The following MASP1 variants were observed in gnomAD, a reference collection of about 807,000 sequenced individuals.
MASP1 encodes the protein MBL associated serine protease 1.
Under a neutral mutation model 77.1 loss-of-function variants are expected in MASP1, and 59 were observed. The ratio of observed to expected loss-of-function variants is 0.77; its 90% CI spans 0.62 to 0.95. MASP1 has a LOEUF of 0.95. MASP1 is among the 40% of genes least tolerant of loss of function. The pLI, the probability that MASP1 is intolerant of heterozygous loss-of-function variation, is 0.00. For synonymous variants in MASP1, 362 were observed against 354.5 expected (o/e 1.02, Z -0.24); for missense variants, 885 against 912.9 (o/e 0.97, Z 0.39).
intron 2 of MASP1, among the ~76,000 whole-genome samples, chr3:187,274,908 G>T (rs1272892901): frequency 6.6e-6 from 1 of 151,148 alleles, no homozygotes; most frequent in Non-Finnish European, 1.5e-5. Flanking sequence ...CTGGGAAGCG[G>T]GCATCCCGCA....
At chr3:187,282,439 C>A (rs943254394) in intron 2 of MASP1, among the ~76,000 whole-genome samples, 51 of 135,592 alleles carry the variant, frequency 3.8e-4, no homozygotes, top group African/African-American at 1.4e-3. Flanking sequence ...GGAGTTTGCA[C>A]TGAGCCGAGA....
intron 12 of MASP1, among the ~76,000 whole-genome samples, chr3:187,225,946 C>T (rs1371289766): frequency 6.6e-6 from 1 of 152,208 alleles, no homozygotes; most frequent in Admixed American, 6.5e-5. Flanking sequence ...ACATCTTATT[C>T]CTTTATTAGA....
chr3:187,259,519 T>C (rs1416981869), intron 4 of MASP1, among the ~76,000 whole-genome samples: 1 of 152,094 alleles, frequency 6.6e-6, no homozygotes, highest in African/African-American at 2.4e-5. Flanking sequence ...TTAGGAAAAT[T>C]ATATTTAAAA....
intron 6 of MASP1, among the ~76,000 whole-genome samples, chr3:187,252,001 T>C (rs1438241408): frequency 6.6e-6 from 1 of 152,204 alleles, no homozygotes; most frequent in Non-Finnish European, 1.5e-5. Context: ...AAACACAGGG[T>C]TGGGAGGAAT....
Position 187,235,796 on chromosome 3 carries a change from C to T in MASP1, c.2075G>A (p.Cys692Tyr), listed in dbSNP as rs771976196. ...GACTCCATAGACCTGCTTGCTGCCG[C>T]ATTCTTCAGGTCCCCCCCAGGACAC... ...GLVSWGGPEE[C>Y]GSKQVYGVYT... Residue 692 changes from cysteine to tyrosine, a missense_variant, in exon 11 of 11, where the codon TGC becomes TAC. Coordinates refer to ENST00000296280, the MANE Select transcript of MASP1 (RefSeq NM_139125.4). 6 of 1,614,010 alleles carry T rather than the reference C, an allele frequency of 3.7e-6. No homozygotes were observed. Among genetic ancestry groups the T allele is most frequent in the Non-Finnish European group, 8.5e-7 (1 of 1,180,016 alleles).
At chr3:187,287,501 T>G (rs1717960816) in intron 1 of MASP1, among the ~76,000 whole-genome samples, 1 of 152,190 alleles carries the variant, frequency 6.6e-6, no homozygotes, top group Non-Finnish European at 1.5e-5. Context: ...TGGAGTGAAA[T>G]GTACTTGGAT....
intron 9 of MASP1, chr3:187,242,742 G>C (rs1713760103): frequency 6.5e-6 from 1 of 154,328 alleles, no homozygotes; most frequent in South Asian, 2.0e-4. Context: ...CAAACCCCCA[G>C]TGTGGCCAAT....
intron 8 of MASP1, chr3:187,247,271 G>A (rs1317544981): frequency 6.8e-6 from 11 of 1,613,496 alleles, no homozygotes; most frequent in Admixed American, 1.7e-5. Context: ...TGCAGCTCTG[G>A]GCCCCAGGGG....
Position 187,235,897 on chromosome 3 carries a change from G to A in MASP1, c.1974C>T (p.Asp658=), listed in dbSNP as rs1377527201. The change falls in exon 11 of 11, where the codon GAC becomes GAT. Residue 658 remains aspartate, a synonymous_variant. Coordinates refer to ENST00000296280, the MANE Select transcript of MASP1 (RefSeq NM_139125.4). The stretch of plus-strand genomic sequence containing the variant: ...CCCCACCGCTATCTCCAAGGCACGT[G>A]TCTTTGCCGCCCTCGTAGTAGCCAG... ...FCAGYYEGGK[D]TCLGDSGGAF... 6.2e-7 allele frequency: 1 copy of A among 1,614,240 alleles called. No individual in the cohort carries two copies. Among genetic ancestry groups the A allele is most frequent in the South Asian group, 1.1e-5 (1 of 91,086 alleles).
exon 16 of MASP1, chr3:187,219,951 T>C: frequency 9.9e-7 from 1 of 1,007,694 alleles, no homozygotes; most frequent in Non-Finnish European, 1.5e-6. Context: ...TGCCCAGTAA[T>C]GGATAGGCCG....
Position 187,241,543 on chromosome 3 carries a change from C to G in MASP1, c.1241G>C (p.Cys414Ser). 1 of 1,612,966 alleles carries G rather than the reference C, an allele frequency of 6.2e-7. No homozygotes were observed. Among genetic ancestry groups the G allele is most frequent in the Non-Finnish European group, 8.5e-7 (1 of 1,179,066 alleles). The change falls in exon 10 of 11, where the codon TGT (cysteine) becomes TCT (serine). Residue 414 changes from cysteine to serine, a missense_variant. Transcript: ENST00000296280. ...ATTCATCCAGACTCCTTGGGCAGAA[C>G]AGGTATATATACCTGGATTAGTGAA... ...MLNNNTGIYTCSAQGVWMNKV... is the reference protein window; with the variant it reads ...MLNNNTGIYTSSAQGVWMNKV...
At chr3:187,239,024 C>T (rs987057357) in intron 10 of MASP1, among the ~76,000 whole-genome samples, 20 of 152,018 alleles carry the variant, frequency 1.3e-4, no homozygotes, top group African/African-American at 4.8e-4. Flanking sequence ...ATGCTTTGTA[C>T]AAACATAGAG....
chr3:187,275,876 C>A (rs1016812634), intron 2 of MASP1, among the ~76,000 whole-genome samples: 1 of 151,460 alleles, frequency 6.6e-6, no homozygotes, highest in Non-Finnish European at 1.5e-5. Context: ...CTCTGAGCAT[C>A]AGGTCAAATG....
chr3:187,260,976 T>C lies in MASP1; in HGVS notation c.416-104A>G, dbSNP rs72549253. ...ATGGGCCACTCACTATGTTAGGAGA[T>C]TCATGCGTTCTCTCATTTAATCCTC... On this transcript the variant is annotated intron_variant, in intron 3 of 10. Coordinates refer to ENST00000296280, the MANE Select transcript of MASP1 (RefSeq NM_139125.4). The C allele has an allele frequency of 2.3e-5, 29 of 1,282,938 alleles. No individual in the cohort carries two copies. In the Admixed American group the frequency reaches 3.2e-4, roughly 14 times the overall value. The allele number at this position is 1,282,938 out of a possible 1,614,324, so 79.5% of individuals were successfully genotyped here.
At position 187,261,434 on chromosome 3, in the gene MASP1, A is replaced by G. The variant is rs536382300; in HGVS notation, c.416-562T>C. On this transcript the variant is annotated intron_variant, in intron 3 of 10. Coordinates refer to ENST00000296280, the MANE Select transcript of MASP1 (RefSeq NM_139125.4). ...AGGCATTTGAATGTACATTTCCCCAAAAGGGATAAACCAATGGCCAACAAG... is the reference window on the plus strand; with the variant it reads ...AGGCATTTGAATGTACATTTCCCCAGAAGGGATAAACCAATGGCCAACAAG... Among the ~76,000 whole-genome samples the G allele has an allele frequency of 2.0e-5, 3 of 152,350 alleles. No homozygotes were observed. The East Asian group carries it at 5.8e-4, about 29-fold the overall frequency.
intron 2 of MASP1, among the ~76,000 whole-genome samples, chr3:187,268,095 AG>A (rs1716193545): frequency 6.6e-6 from 1 of 152,236 alleles, no homozygotes; most frequent in Non-Finnish European, 1.5e-5. Flanking sequence ...AACAGTGAAG[AG>A]ACTGCTATAG....
intron 8 of MASP1, chr3:187,247,452 GA>G: frequency 6.4e-7 from 1 of 1,565,804 alleles, no homozygotes; most frequent in South Asian, 1.1e-5. Context: ...GAGAGGAAGA[GA>G]AAGAGAGAGA....
rs540002514 is a variant in MASP1, at chr3:187,264,505, C to A, written c.238-1785G>T. ...AAAAAAAAGTACTTTAAAGAAGTAC[C>A]CACTTTCTCAAGTGAAACATGCTAA... On this transcript the variant is annotated intron_variant, in intron 2 of 10. Transcript: ENST00000296280. 2.0e-5 allele frequency among the ~76,000 whole-genome samples: 3 copies of A among 152,074 alleles called. No homozygotes were observed. In the South Asian group the frequency reaches 6.3e-4, roughly 32 times the overall value.
intron 6 of MASP1, among the ~76,000 whole-genome samples, chr3:187,252,174 T>G (rs1714668155): frequency 6.6e-6 from 1 of 152,146 alleles, no homozygotes. Context: ...CCACCACCCC[T>G]GGGAGGGCTA....
Sources: allele counts gnomAD v4.1 joint callset (sites outside exome capture counted in the v4.1 genomes callset), GRCh38; gene constraint gnomAD v4.1.1; transcripts MANE v1.5; gene names NCBI Gene and HGNC (gene_info 2026-07-23, HGNC 2026-07-21).